SLC24A2: variants seen among roughly 807,000 people sequenced by gnomAD.
SLC24A2 encodes the protein solute carrier family 24 member 2.
In SLC24A2, 36 loss-of-function variants were observed where a neutral mutation model predicts 62.0. That is an observed-to-expected ratio of 0.58 (90% confidence interval 0.44 to 0.77). The LOEUF (loss-of-function observed/expected upper bound fraction) is 0.77. Among genes scored for constraint, SLC24A2 ranks in the 30% least tolerant of loss-of-function variants. SLC24A2 has a pLI of 0.00. For missense variants in SLC24A2, 846 were observed against 817.9 expected (o/e 1.03, Z -0.42); for synonymous variants, 358 against 294.0 (o/e 1.22, Z -2.23).
In SLC24A2 at chr9:19,516,081, A is replaced by G. The variant is rs1013207566; in HGVS notation, c.*72T>C. ...TGTGTGCCAGCTGCCTCTTCTCAAG[A>G]GGTCAAGGAGCCCAGAGCCCAGAGT... On this transcript the variant is annotated 3_prime_UTR_variant, in exon 11 of 11. Transcript: ENST00000341998. 1.3e-5 allele frequency: 20 copies of G among 1,590,820 alleles called. No individual in the cohort carries two copies. The African/African-American group carries it at 2.2e-4, about 17-fold the overall frequency.
chr9:20,033,348 G>C, the SLC24A2 span, among the ~76,000 whole-genome samples: 1 of 152,162 alleles, frequency 6.6e-6, no homozygotes, highest in Non-Finnish European at 1.5e-5. Context: ...GATAAGTGGA[G>C]ACTTGCAATG....
chr9:20,129,443 A>G, the SLC24A2 span, among the ~76,000 whole-genome samples: 1 of 152,162 alleles, frequency 6.6e-6, no homozygotes, highest in African/African-American at 2.4e-5. Flanking sequence ...TACACGAAGA[A>G]TTAAAAACAG....
the SLC24A2 span, among the ~76,000 whole-genome samples, chr9:19,978,673 G>C: frequency 6.6e-6 from 1 of 152,008 alleles, no homozygotes; most frequent in Non-Finnish European, 1.5e-5. Flanking sequence ...AAAACTGAAG[G>C]AGGCAGATAT....
chr9:19,950,194 G>A, the SLC24A2 span, among the ~76,000 whole-genome samples: 6 of 152,180 alleles, frequency 3.9e-5, no homozygotes, highest in East Asian at 1.2e-3. Flanking sequence ...TGTAAATTAA[G>A]GATATTAATA....
chr9:20,261,885 G>T, the SLC24A2 span, among the ~76,000 whole-genome samples: 2 of 151,642 alleles, frequency 1.3e-5, no homozygotes, highest in Non-Finnish European at 2.9e-5. Context: ...GACTACAGGC[G>T]CCCGCCACCA....
intron 2 of SLC24A2, among the ~76,000 whole-genome samples, chr9:19,656,918 C>T (rs1818958928): frequency 2.0e-5 from 3 of 152,192 alleles, no homozygotes; most frequent in Admixed American, 6.5e-5. Context: ...CCTCCCACCT[C>T]CTCAGGGATT....
intron 2 of SLC24A2, among the ~76,000 whole-genome samples, chr9:19,761,209 G>A (rs945286662): frequency 6.6e-6 from 1 of 152,016 alleles, no homozygotes; most frequent in African/African-American, 2.4e-5. Flanking sequence ...GGTATTTCTG[G>A]TTCTAGATCC....
the SLC24A2 span, among the ~76,000 whole-genome samples, chr9:20,026,742 A>G: frequency 2.1e-4 from 32 of 152,326 alleles, no homozygotes; most frequent in African/African-American, 7.2e-4. Flanking sequence ...ACATAGGGGA[A>G]AAGCTCCGTG....
At chr9:19,876,365 CGTGTGTGT>C in the SLC24A2 span, among the ~76,000 whole-genome samples, 4,675 of 145,602 alleles carry the variant, frequency 0.032, 199 homozygotes, top group African/African-American at 0.1. Flanking sequence ...TTATTGAAGG[CGTGTGTGT>C]GTGTGTGTGT....
chr9:19,766,668 T>A (rs1387882964), intron 2 of SLC24A2, among the ~76,000 whole-genome samples: 1 of 152,192 alleles, frequency 6.6e-6, no homozygotes, highest in Non-Finnish European at 1.5e-5. Flanking sequence ...TCTGGAAGCT[T>A]CATCCCAGAG....
chr9:19,953,729 G>A, the SLC24A2 span, among the ~76,000 whole-genome samples: 1 of 151,904 alleles, frequency 6.6e-6, no homozygotes, highest in African/African-American at 2.4e-5. Flanking sequence ...ACTTATTAAT[G>A]GGATATACAC....
At chr9:19,591,666 G>A (rs1454596095) in intron 5 of SLC24A2, among the ~76,000 whole-genome samples, 1 of 152,184 alleles carries the variant, frequency 6.6e-6, no homozygotes. Context: ...GGACCATGAG[G>A]TGCCCTTGAG....
At chr9:19,883,876 G>A in the SLC24A2 span, among the ~76,000 whole-genome samples, 1 of 152,122 alleles carries the variant, frequency 6.6e-6, no homozygotes, top group Non-Finnish European at 1.5e-5. Flanking sequence ...CTCTATCACT[G>A]TTCTAATATG....
At chr9:20,188,254 G>T in the SLC24A2 span, among the ~76,000 whole-genome samples, 1 of 152,154 alleles carries the variant, frequency 6.6e-6, no homozygotes, top group Non-Finnish European at 1.5e-5. Context: ...TGGACCCCTG[G>T]TTTCCTTGGA....
At chr9:19,566,269 G>GA (rs1177725401) in intron 7 of SLC24A2, among the ~76,000 whole-genome samples, 1 of 149,586 alleles carries the variant, frequency 6.7e-6, no homozygotes, top group African/African-American at 2.5e-5. Context: ...AAATTTACAA[G>GA]AAAAAAACAA....
At chr9:19,993,255 G>A in the SLC24A2 span, among the ~76,000 whole-genome samples, 21 of 152,086 alleles carry the variant, frequency 1.4e-4, no homozygotes, top group Non-Finnish European at 2.6e-4. Flanking sequence ...CCCGAGCTTC[G>A]TTCACATACT....
intron 9 of SLC24A2, among the ~76,000 whole-genome samples, chr9:19,525,843 A>C (rs564542238): frequency 7.8e-6 from 1 of 127,992 alleles, no homozygotes; most frequent in East Asian, 2.3e-4. Context: ...AAACAAGTTT[A>C]TTGAGATGTA....
the SLC24A2 span, among the ~76,000 whole-genome samples, chr9:20,222,366 C>T: frequency 1.9e-3 from 295 of 151,868 alleles, no homozygotes; most frequent in African/African-American, 6.8e-3. Flanking sequence ...AAACAATCAA[C>T]GTAAGTATTT....
At chr9:20,135,437 C>T in the SLC24A2 span, among the ~76,000 whole-genome samples, 3 of 151,530 alleles carry the variant, frequency 2.0e-5, no homozygotes, top group Non-Finnish European at 2.9e-5. Flanking sequence ...AGTTCCAATC[C>T]TGTTTCTGCC....
Sources: gnomAD v4.1 joint callset for allele counts (sites outside exome capture counted in the v4.1 genomes callset) on GRCh38, gnomAD v4.1.1 for gene constraint, MANE v1.5 for transcripts, NCBI Gene and HGNC (gene_info 2026-07-23, HGNC 2026-07-21) for gene names.